BIN1: variants seen among roughly 807,000 people sequenced by gnomAD.
BIN1 encodes myc box-dependent-interacting protein 1.
BIN1 carries 53 observed loss-of-function variants against 82.0 expected under a neutral mutation model. The observed-to-expected ratio is 0.65, with a 90% CI of 0.52 to 0.81. The LOEUF (loss-of-function observed/expected upper bound fraction) is 0.81. Among genes scored for constraint, BIN1 ranks in the 40% least tolerant of loss-of-function variants. The probability of loss-of-function intolerance (pLI) is 0.00; values close to 1 mark genes in which losing one functional copy is unlikely to be tolerated. For missense variants in BIN1, 642 were observed against 784.4 expected, an observed-to-expected ratio of 0.82 and a Z score of 2.17; for synonymous variants, 302 against 328.0, an observed-to-expected ratio of 0.92 and a Z score of 0.86.
chr2:127,063,469 C>T, intron 9 of BIN1, 102 bp downstream of exon 9: 1 of 1,276,546 alleles, frequency 7.8e-7, no homozygotes. Context: ...GTGTGCTGAA[C>T]CTGGCAGGGA....
chr2:127,074,699 T>TTTTGTTTG (rs60320134), intron 2 of BIN1, among the ~76,000 whole-genome samples: 8 of 151,716 alleles, frequency 5.3e-5, no homozygotes, highest in Non-Finnish European at 8.8e-5. Context: ...TCAGCCTGTT[T>TTTTGTTTG]TTTGTTTGTT....
chr2:127,075,235 C>T (rs1355358346), intron 2 of BIN1, among the ~76,000 whole-genome samples: 1 of 152,198 alleles, frequency 6.6e-6, no homozygotes, highest in African/African-American at 2.4e-5. Context: ...AATATCAGCC[C>T]CATCTCAAGG....
rs1455344733 is a variant in BIN1, at chr2:127,084,336, G to A, written c.85-7630C>T. 2.0e-5 allele frequency among the ~76,000 whole-genome samples: 3 copies of A among 152,336 alleles called. No homozygotes were observed. The East Asian group carries it at 5.8e-4, about 29-fold the overall frequency. On this transcript the variant is annotated intron_variant, in intron 1 of 18. Coordinates refer to ENST00000316724, the MANE Select transcript of BIN1 (RefSeq NM_139343.3). ...CTGGTCTTGCCTTTGCGAGGAGGGT[G>A]GTGAGGATATCGTGAGTCCTTCGTT...
intron 1 of BIN1, among the ~76,000 whole-genome samples, chr2:127,091,049 T>C (rs1375902918): frequency 2.0e-5 from 3 of 152,220 alleles, no homozygotes; most frequent in Non-Finnish European, 4.4e-5. Context: ...TCGGTTTCTA[T>C]ATCCATGACA....
Position 127,053,408 on chromosome 2 carries a change from G to A in BIN1, c.1263+14C>T. 7.4e-6 allele frequency: 12 copies of A among 1,613,938 alleles called. No homozygotes were observed. The highest frequency in any genetic ancestry group is 9.3e-6 in the Non-Finnish European group (11 of 1,179,894). On this transcript the variant is annotated intron_variant, in intron 14 of 18. Transcript: ENST00000316724. Reference sequence around the variant, plus strand: ...TCCCCCAGGGGCTGGACAAAGAGCAGACGTGCAGCTTACCTCCCAGAGGTC... The same window carrying A: ...TCCCCCAGGGGCTGGACAAAGAGCAAACGTGCAGCTTACCTCCCAGAGGTC...
intron 1 of BIN1, among the ~76,000 whole-genome samples, chr2:127,086,950 C>A (rs1436268165): frequency 6.6e-6 from 1 of 152,178 alleles, no homozygotes; most frequent in Admixed American, 6.5e-5. Context: ...CCGTGGTCCC[C>A]TGCTCAGAAA....
At chr2:127,102,104 G>A (rs549538386) in intron 1 of BIN1, among the ~76,000 whole-genome samples, 35 of 152,322 alleles carry the variant, frequency 2.3e-4, no homozygotes, top group Middle Eastern at 3.4e-3. Context: ...GATACATGAA[G>A]AAACAGGGCT....
At chr2:127,056,653 G>GA (rs1683712023) in intron 12 of BIN1, among the ~76,000 whole-genome samples, 1 of 152,230 alleles carries the variant, frequency 6.6e-6, no homozygotes. Flanking sequence ...CTACCCACAG[G>GA]AGGAAGGCTG....
chr2:127,057,568 T>C lies in BIN1; in HGVS notation c.1036A>G (p.Lys346Glu). The stretch of plus-strand genomic sequence containing the variant: ...TTGACTTCCTTGGACGGGGTGTGTT[T>C]GGGAGGCGGAGGGACTGGTGGGCCT... ...RKGPPVPPPPKHTPSKEVKQE... is the reference protein window; with the variant it reads ...RKGPPVPPPPEHTPSKEVKQE... Residue 346 changes from lysine (K) to glutamate (E), a missense_variant, in exon 12 of 19, where the codon AAA (lysine) becomes GAA (glutamate). Transcript: ENST00000316724. The surrounding 1 kb of genome is among the most constrained non-coding windows in gnomAD (Gnocchi z 5.0). 6.5e-7 allele frequency: 1 copy of C among 1,541,134 alleles called. No homozygotes were observed. Among genetic ancestry groups the C allele is most frequent in the Non-Finnish European group, 8.8e-7 (1 of 1,139,992 alleles).
intron 14 of BIN1, chr2:127,052,937 T>G (rs1358724953): frequency 7.6e-6 from 2 of 263,300 alleles, no homozygotes; most frequent in Admixed American, 4.6e-5. Context: ...GGCCCTGCTC[T>G]CAGAAGGCAC....
rs1321808420 is a variant in BIN1, at chr2:127,070,935, ATC to A, written c.166-121_166-120del. The A allele has an allele frequency of 1.1e-5, 11 of 1,006,972 alleles. No homozygotes were observed. The Admixed American group carries it at 2.4e-4, about 22-fold the overall frequency. 62.4% of individuals were successfully genotyped at this position (1,006,972 alleles called of 1,614,324 possible). A position where few individuals can be genotyped will look rare whatever the true frequency, so the allele number is the denominator to read the frequency against. On this transcript the variant is annotated intron_variant, in intron 2 of 18. Coordinates refer to ENST00000316724, the MANE Select transcript of BIN1 (RefSeq NM_139343.3). Reference sequence around the variant, plus strand: ...GCTGCTCTCCTGACAGCAGCCACTGATCAGCTGACCTCCCAACAGGACAGCAG... The same window carrying A: ...GCTGCTCTCCTGACAGCAGCCACTGAAGCTGACCTCCCAACAGGACAGCAG...
rs114833236 is a variant in BIN1, at chr2:127,059,125, G to A, written c.888C>T (p.Ser296=). 7.7e-3 allele frequency: 12,204 copies of A among 1,590,438 alleles called. 69 individuals are homozygous for A. The highest frequency in any genetic ancestry group is 9.8e-3 in the Non-Finnish European group (11,403 of 1,169,316). The change falls in exon 11 of 19, where the codon AGC becomes AGT. Residue 296 remains serine, a synonymous_variant. Coordinates refer to ENST00000316724, the MANE Select transcript of BIN1 (RefSeq NM_139343.3). This position sits in a 1 kb window ranked among gnomAD's most constrained non-coding sequence, Gnocchi z 6.7. ...CAGGGGAGCCATCTGGAGGCGAAGG[G>A]CTCTTGTTCCCTTTTGCAGGCGCGT... is the stretch of plus-strand genomic sequence containing the variant. ...SDNAPAKGNK[S]PSPPDGSPAA... is the part of the protein sequence containing the mutation.
chr2:127,062,763 G>T (rs1444358814), intron 9 of BIN1, among the ~76,000 whole-genome samples: 1 of 152,172 alleles, frequency 6.6e-6, no homozygotes, highest in African/African-American at 2.4e-5. Flanking sequence ...TTATATAAAT[G>T]TTCCTTCTCT....
In BIN1 at chr2:127,059,796, A is replaced by AGG. The variant is rs1184959652; in HGVS notation, c.858-642_858-641insCC. On this transcript the variant is annotated intron_variant, in intron 10 of 18. Transcript: ENST00000316724. This position sits in a 1 kb window ranked among gnomAD's most constrained non-coding sequence, Gnocchi z 6.7. ...GGACAGGTCCTGAGCCATGGCGTTCAGTGCCAGAACCCAAGGCGGAGGTGG... is the reference window on the plus strand; with the variant it reads ...GGACAGGTCCTGAGCCATGGCGTTCAGGGTGCCAGAACCCAAGGCGGAGGTGG... Among the ~76,000 whole-genome samples the AGG allele has an allele frequency of 1.3e-5, 2 of 152,144 alleles. No homozygotes were observed. The highest frequency in any genetic ancestry group is 4.8e-5 in the African/African-American group (2 of 41,426).
chr2:127,063,815 C>A, intron 8 of BIN1, 118 bp downstream of exon 8: 3 of 1,452,394 alleles, frequency 2.1e-6, no homozygotes, highest in Non-Finnish European at 2.9e-6. Flanking sequence ...CTGGGCACCG[C>A]AGCACGCAGA....
chr2:127,077,470 A>G (rs6710752), intron 1 of BIN1, among the ~76,000 whole-genome samples: 1 of 151,982 alleles, frequency 6.6e-6, no homozygotes, highest in Non-Finnish European at 1.5e-5. Context: ...GGCAGAGAAG[A>G]GGAGCCACAC....
rs942803309 is a variant in BIN1 at position 127,093,223 on chromosome 2, C to T, written c.84+13637G>A. 1.3e-5 allele frequency among the ~76,000 whole-genome samples: 2 copies of T among 152,180 alleles called. No homozygotes were observed. Among genetic ancestry groups the T allele is most frequent in the African/African-American group, 4.8e-5 (2 of 41,446 alleles). ...CACCCCAAAGTGTGGTGCTGTGGCT[C>T]ACTGCAGACTCTGAACAAAGGGCAT... On this transcript the variant is annotated intron_variant, in intron 1 of 18. Transcript: ENST00000316724. The surrounding 1 kb of genome is among the most constrained non-coding windows in gnomAD (Gnocchi z 5.7).
intron 1 of BIN1, among the ~76,000 whole-genome samples, chr2:127,086,280 G>T (rs1330500109): frequency 6.6e-6 from 1 of 152,148 alleles, no homozygotes; most frequent in African/African-American, 2.4e-5. Flanking sequence ...CACAGACACT[G>T]GGGGGAGCGG....
intron 1 of BIN1, among the ~76,000 whole-genome samples, chr2:127,105,552 G>A (rs908728315): frequency 6.6e-6 from 1 of 150,850 alleles, no homozygotes; most frequent in Non-Finnish European, 1.5e-5. Context: ...ACCTGGACTT[G>A]GCTGAGGGCC....
Sources: gnomAD v4.1 joint callset for allele counts (sites outside exome capture counted in the v4.1 genomes callset) on GRCh38, gnomAD v4.1.1 for gene constraint, Gnocchi (gnomAD v3.1) non-coding constraint, MANE v1.5 for transcripts, NCBI Gene and HGNC (gene_info 2026-07-23, HGNC 2026-07-21) for gene names.